ZNF215: variants seen among roughly 807,000 people sequenced by gnomAD.
ZNF215 encodes zinc finger protein 215.
A neutral mutation model predicts 27.2 loss-of-function variants in ZNF215; 24 were observed. That is an observed-to-expected ratio of 0.88 (90% confidence interval 0.64 to 1.24). The LOEUF (loss-of-function observed/expected upper bound fraction) is 1.24. ZNF215 is among the 50% of genes most tolerant of loss of function. The pLI is 0.00. For missense variants in ZNF215, 675 were observed against 605.7 expected, an observed-to-expected ratio of 1.11 and a Z score of -1.20; for synonymous variants, 210 against 204.0, an observed-to-expected ratio of 1.03 and a Z score of -0.25.
At chr11:6,930,170 A>C (rs1276041664) in intron 2 of ZNF215, among the ~76,000 whole-genome samples, 2 of 150,262 alleles carry the variant, frequency 1.3e-5, no homozygotes, top group African/African-American at 4.9e-5. Context: ...CTTATGTTGC[A>C]TGAGCCTCAG....
intron 5 of ZNF215, among the ~76,000 whole-genome samples, chr11:6,977,210 G>A (rs924303606): frequency 3.3e-5 from 5 of 151,976 alleles, no homozygotes; most frequent in African/African-American, 1.2e-4. Context: ...ATATTAAATG[G>A]AAAATTCCAG....
chr11:6,946,076 T>C (rs1180517425), intron 6 of ZNF215, among the ~76,000 whole-genome samples: 1 of 152,174 alleles, frequency 6.6e-6, no homozygotes. Context: ...TCTCCTTCAC[T>C]TCTCTAATAT....
chr11:6,941,302 G>C (rs560563504), intron 3 of ZNF215, among the ~76,000 whole-genome samples: 3 of 152,286 alleles, frequency 2.0e-5, no homozygotes, highest in African/African-American at 7.2e-5. Flanking sequence ...TATAAACATA[G>C]ATGAGGTCTG....
chr11:6,937,951 T>C (rs1849495592), intron 3 of ZNF215, among the ~76,000 whole-genome samples: 1 of 151,864 alleles, frequency 6.6e-6, no homozygotes, highest in African/African-American at 2.4e-5. Flanking sequence ...AATCAATGCT[T>C]AGCTATGACA....
downstream of ZNF215, among the ~76,000 whole-genome samples, chr11:6,992,774 C>T (rs542181062): frequency 6.0e-4 from 91 of 152,242 alleles, no homozygotes; most frequent in Middle Eastern, 3.4e-3. Context: ...GACATCTGAC[C>T]CAGGTTAAGA....
intron 1 of ZNF215, among the ~76,000 whole-genome samples, chr11:6,927,175 A>G (rs546824530): frequency 5.6e-4 from 85 of 152,300 alleles, no homozygotes; most frequent in East Asian, 1.9e-4. Context: ...GGGAAAGACA[A>G]TGGAGTTTTA....
intron 5 of ZNF215, among the ~76,000 whole-genome samples, chr11:6,976,444 T>C (rs1850835552): frequency 6.6e-6 from 1 of 151,994 alleles, no homozygotes; most frequent in Non-Finnish European, 1.5e-5. Context: ...CAGTGTTTAA[T>C]TGATGAAGAA....
chr11:6,976,845 CA>C (rs1850844023), intron 5 of ZNF215, among the ~76,000 whole-genome samples: 1 of 152,076 alleles, frequency 6.6e-6, no homozygotes, highest in African/African-American at 2.4e-5. Context: ...CAAATTACCA[CA>C]AACTTAATGG....
At chr11:6,955,569 C>T in intron 6 of ZNF215, 121 bp from the exon 7 acceptor site, 2 of 1,066,742 alleles carry the variant, frequency 1.9e-6, no homozygotes, top group South Asian at 3.5e-5. Flanking sequence ...CTAACCTTGC[C>T]TCACATTTCC....
downstream of ZNF215, among the ~76,000 whole-genome samples, chr11:6,958,499 C>T (rs57760629): frequency 3.7e-3 from 568 of 152,334 alleles, 5 homozygotes; most frequent in African/African-American, 0.013. Context: ...ATTTAAAGCT[C>T]TTGCAGAGCA....
chr11:6,953,872 A>G (rs1439701218), intron 6 of ZNF215, among the ~76,000 whole-genome samples: 1 of 151,874 alleles, frequency 6.6e-6, no homozygotes, highest in African/African-American at 2.4e-5. Flanking sequence ...GGTTTTATCT[A>G]CTTTTAGTCT....
chr11:6,966,106 G>A (rs867501167), intron 5 of ZNF215, among the ~76,000 whole-genome samples: 1 of 152,082 alleles, frequency 6.6e-6, no homozygotes, highest in Non-Finnish European at 1.5e-5. Flanking sequence ...GAGCTATTCA[G>A]GTTGTTTCTT....
At chr11:6,991,927 T>C (rs1036055914), downstream of ZNF215, among the ~76,000 whole-genome samples, 22 of 152,240 alleles carry the variant, frequency 1.4e-4, no homozygotes, top group African/African-American at 5.3e-4. Flanking sequence ...GTGAACCGCC[T>C]CTTGGTGTTC....
chr11:6,955,958 A>G lies in ZNF215; in HGVS notation c.981A>G (p.Ser327=), dbSNP rs1002491287. The G allele has an allele frequency of 1.2e-6, 2 of 1,612,938 alleles. No individual in the cohort carries two copies. Among genetic ancestry groups the G allele is most frequent in the African/African-American group, 2.7e-5 (2 of 74,830 alleles). ...GTGCTATACAAGTGGGAATTCCTTC[A>G]AGAAAGGGGTCTCCAAAATGTGATA... is the stretch of plus-strand genomic sequence containing the variant. ...SICAIQVGIP[S]RKGSPKCDKF... Residue 327 remains serine (S), a synonymous_variant, in exon 7 of 7, where the codon TCA becomes TCG. Transcript: ENST00000278319.
chr11:6,956,660 T>A lies in ZNF215; in HGVS notation c.*129T>A. 7.1e-7 allele frequency: 1 copy of A among 1,402,766 alleles called. No individual in the cohort carries two copies. Among genetic ancestry groups the A allele is most frequent in the African/African-American group, 1.4e-5 (1 of 69,374 alleles). The allele number at this position is 1,402,766 out of a possible 1,614,324, so 86.9% of individuals were successfully genotyped here. ...TTGTCAGATTTTTCTTTAAATGATA[T>A]CACAGAATTAATGTTGGATAGAAAT... On this transcript the variant is annotated 3_prime_UTR_variant, in exon 7 of 7. Coordinates refer to ENST00000278319, the MANE Select transcript of ZNF215 (RefSeq NM_013250.4).
At chr11:6,989,074 T>C (rs1851090718), downstream of ZNF215, 5 of 142,476 alleles carry the variant, frequency 3.5e-5, no homozygotes, top group Admixed American at 3.9e-4. Flanking sequence ...GAGAATTGCT[T>C]GAAGCTGGGA....
chr11:6,973,491 G>T (rs1257688598), intron 5 of ZNF215, among the ~76,000 whole-genome samples: 1 of 152,158 alleles, frequency 6.6e-6, no homozygotes, highest in Non-Finnish European at 1.5e-5. Context: ...CACAATGGTT[G>T]AACTAGTTTA....
Position 6,941,553 on chromosome 11 carries a change from T to A in ZNF215, c.401-18T>A. The A allele has an allele frequency of 6.2e-7, 1 of 1,611,242 alleles. No homozygotes were observed. Among genetic ancestry groups the A allele is most frequent in the African/African-American group, 1.3e-5 (1 of 74,892 alleles). ...GGGCAAAACTTGTCTCCCTAATATT[T>A]TCCTTCATCTTCCTCAGATATGCCC... On this transcript the variant is annotated intron_variant, in intron 3 of 6. Coordinates refer to ENST00000278319, the MANE Select transcript of ZNF215 (RefSeq NM_013250.4).
At chr11:6,978,271 G>T (rs1850874882) in intron 5 of ZNF215, among the ~76,000 whole-genome samples, 3 of 151,984 alleles carry the variant, frequency 2.0e-5, no homozygotes, top group Admixed American at 1.3e-4. Context: ...ATGAATAAAT[G>T]TGAAAAATAC....
Sources: gnomAD v4.1 joint callset for allele counts (sites outside exome capture counted in the v4.1 genomes callset) on GRCh38, gnomAD v4.1.1 for gene constraint, MANE v1.5 for transcripts, NCBI Gene and HGNC (gene_info 2026-07-23, HGNC 2026-07-21) for gene names.